The following SLC12A8 variants were observed in gnomAD, a reference collection of about 807,000 sequenced individuals.
SLC12A8 encodes the protein cation-chloride cotransporter 9.
In SLC12A8, 69 loss-of-function variants were observed where a neutral mutation model predicts 75.6. The observed-to-expected ratio is 0.91, with a 90% CI of 0.75 to 1.11. The LOEUF (loss-of-function observed/expected upper bound fraction) is 1.11, where lower values mean the gene tolerates loss of function less well. Ranked by LOEUF, SLC12A8 falls within the 50% of genes most tolerant of loss-of-function variation. The probability of loss-of-function intolerance (pLI) is 0.00; values close to 1 mark genes in which losing one functional copy is unlikely to be tolerated. For synonymous variants in SLC12A8, 365 were observed against 372.8 expected (o/e 0.98, Z 0.24); for missense variants, 877 against 896.7 (o/e 0.98, Z 0.28).
intron 3 of SLC12A8, among the ~76,000 whole-genome samples, chr3:125,189,409 C>A (rs2107795505): frequency 6.6e-6 from 1 of 152,342 alleles, no homozygotes; most frequent in East Asian, 1.9e-4. Flanking sequence ...TCTAGTCCAG[C>A]TCACCCTTCA....
intron 8 of SLC12A8, among the ~76,000 whole-genome samples, chr3:125,112,734 T>A (rs1939218704): frequency 6.6e-6 from 1 of 152,234 alleles, no homozygotes; most frequent in African/African-American, 2.4e-5. Context: ...AAAAACCAGA[T>A]TCTATGATGA....
intron 6 of SLC12A8, among the ~76,000 whole-genome samples, chr3:125,132,388 A>C (rs964629849): frequency 3.9e-5 from 6 of 152,238 alleles, no homozygotes; most frequent in African/African-American, 1.4e-4. Flanking sequence ...GTCAGGCAGG[A>C]AGCTGACACA....
intron 10 of SLC12A8, among the ~76,000 whole-genome samples, chr3:125,099,655 A>G (rs868240678): frequency 6.6e-6 from 1 of 152,242 alleles, no homozygotes; most frequent in African/African-American, 2.4e-5. Context: ...AAGGCCAGGT[A>G]CAGTGGCTCA....
intron 3 of SLC12A8, 23 bp downstream of exon 3, chr3:125,190,352 C>T (rs1481591945): frequency 6.2e-7 from 1 of 1,613,174 alleles, no homozygotes; most frequent in Non-Finnish European, 8.5e-7. Context: ...TGAGAGGCTC[C>T]AGGCCACCAA....
chr3:125,198,620 T>A (rs1935053670), intron 2 of SLC12A8, among the ~76,000 whole-genome samples: 1 of 151,928 alleles, frequency 6.6e-6, no homozygotes, highest in Admixed American at 6.6e-5. Context: ...GGGAGAATAG[T>A]GAAACTCTGT....
intron 5 of SLC12A8, among the ~76,000 whole-genome samples, chr3:125,144,928 T>C (rs1229740419): frequency 1.1e-4 from 17 of 151,872 alleles, no homozygotes; most frequent in Admixed American, 1.1e-3. Flanking sequence ...AGGCTGAAAA[T>C]ATTCACATGC....
At chr3:125,117,078 C>T (rs754787656) in intron 8 of SLC12A8, among the ~76,000 whole-genome samples, 2 of 152,190 alleles carry the variant, frequency 1.3e-5, no homozygotes, top group Non-Finnish European at 2.9e-5. Flanking sequence ...TCCAAAAAAT[C>T]TGCTTTTATA....
intron 8 of SLC12A8, among the ~76,000 whole-genome samples, chr3:125,113,469 A>G (rs1454408366): frequency 6.6e-6 from 1 of 152,110 alleles, no homozygotes; most frequent in African/African-American, 2.4e-5. Context: ...CCATCCATCC[A>G]TCCATCCATT....
At chr3:125,203,541 G>A (rs183458780) in intron 2 of SLC12A8, among the ~76,000 whole-genome samples, 4 of 152,304 alleles carry the variant, frequency 2.6e-5, no homozygotes, top group African/African-American at 9.6e-5. Flanking sequence ...TCCACATGCA[G>A]AAGAATGAAA....
At chr3:125,113,363 A>G (rs1196978682) in intron 8 of SLC12A8, among the ~76,000 whole-genome samples, 1 of 152,248 alleles carries the variant, frequency 6.6e-6, no homozygotes, top group Non-Finnish European at 1.5e-5. Context: ...TTTCTGAGTA[A>G]TATATGAAAT....
At chr3:125,138,076 T>C (rs1288580439) in intron 5 of SLC12A8, among the ~76,000 whole-genome samples, 2 of 152,106 alleles carry the variant, frequency 1.3e-5, no homozygotes, top group Admixed American at 1.3e-4. Flanking sequence ...TGGACAAAAA[T>C]ATGTGTCAAT....
At chr3:125,179,235 G>C (rs375260572) in intron 4 of SLC12A8, among the ~76,000 whole-genome samples, 10 of 151,892 alleles carry the variant, frequency 6.6e-5, no homozygotes, top group African/African-American at 2.2e-4. Context: ...AACTGCTAAG[G>C]CCATACAATT....
Position 125,083,842 on chromosome 3 carries a change from C to A in SLC12A8, c.*48G>T, listed in dbSNP as rs750816710. On this transcript the variant is annotated 3_prime_UTR_variant, in exon 14 of 14. Transcript: ENST00000469902. ...CTCCACGAAGGTCCTGAGCTTGGGT[C>A]CACTGTACATGGGACAGCTCCAAAA... 8 of 1,571,044 alleles carry A rather than the reference C, an allele frequency of 5.1e-6. No homozygotes were observed. The highest frequency in any genetic ancestry group is 6.1e-6 in the Non-Finnish European group (7 of 1,155,198).
chr3:125,198,952 GAA>G (rs1935062526), intron 2 of SLC12A8, among the ~76,000 whole-genome samples: 1 of 151,574 alleles, frequency 6.6e-6, no homozygotes, highest in African/African-American at 2.4e-5. Flanking sequence ...TAATTTTTTT[GAA>G]TTTTTAGTAG....
chr3:125,091,571 T>A lies in SLC12A8; in HGVS notation c.1804-15A>T. 6.4e-7 allele frequency: 1 copy of A among 1,574,410 alleles called. No individual in the cohort carries two copies. Among genetic ancestry groups the A allele is most frequent in the Non-Finnish European group, 8.7e-7 (1 of 1,144,002 alleles). On this transcript the variant is annotated splice_polypyrimidine_tract_variant and intron_variant, in intron 11 of 13. Transcript: ENST00000469902. The stretch of plus-strand genomic sequence containing the variant: ...GACCCAACAGCCTGTGAAAACAGAG[T>A]AGGAAGAGCAAATCACCTAATGGCT...
chr3:125,144,439 G>T (rs557981900), intron 5 of SLC12A8, among the ~76,000 whole-genome samples: 46 of 152,214 alleles, frequency 3.0e-4, no homozygotes, highest in African/African-American at 1.1e-3. Context: ...CCTGCAGAGG[G>T]GTCCAGAGGG....
intron 13 of SLC12A8, among the ~76,000 whole-genome samples, chr3:125,085,122 C>T (rs1313449119): frequency 6.6e-6 from 1 of 152,174 alleles, no homozygotes; most frequent in Non-Finnish European, 1.5e-5. Flanking sequence ...TCATATAGGT[C>T]TCTGAGGGTT....
At chr3:125,189,899 T>A (rs1171739225) in intron 3 of SLC12A8, among the ~76,000 whole-genome samples, 1 of 152,108 alleles carries the variant, frequency 6.6e-6, no homozygotes, top group East Asian at 1.9e-4. Flanking sequence ...GCAGAGTCCA[T>A]CCTAGGCAAT....
chr3:125,151,284 C>T lies in SLC12A8; in HGVS notation c.623-15502G>A, dbSNP rs1396376843. 4.6e-5 allele frequency: 7 copies of T among 153,538 alleles called. No individual in the cohort carries two copies. The East Asian group carries it at 1.3e-3, about 30-fold the overall frequency. 9.5% of individuals were successfully genotyped at this position (153,538 alleles called of 1,614,324 possible). On this transcript the variant is annotated intron_variant, in intron 5 of 13. Coordinates refer to ENST00000469902, the MANE Select transcript of SLC12A8 (RefSeq NM_024628.6). ...TGGTGAAGTCATTGGCCTCTTGGCC[C>T]AACTGTTCCTCCCTTTTCCCTGGAG...
Sources: allele counts gnomAD v4.1 joint callset (sites outside exome capture counted in the v4.1 genomes callset), GRCh38; gene constraint gnomAD v4.1.1; transcripts MANE v1.5; gene names NCBI Gene and HGNC (gene_info 2026-07-23, HGNC 2026-07-21).